Variants in SCHIP1 observed in about 807,000 individuals in gnomAD.
SCHIP1 encodes schwannomin-interacting protein 1.
In SCHIP1, 8 loss-of-function variants were observed where a neutral mutation model predicts 29.7. The ratio of observed to expected loss-of-function variants is 0.27; its 90% CI spans 0.16 to 0.49. The LOEUF (loss-of-function observed/expected upper bound fraction) is 0.49. SCHIP1 is among the 20% of genes least tolerant of loss of function. The pLI is 0.99. For synonymous variants in SCHIP1, 76 were observed against 94.9 expected (o/e 0.80, Z 1.16); for missense variants, 193 against 294.6 (o/e 0.66, Z 2.52).
chr3:159,315,901 A>G, the SCHIP1 span, among the ~76,000 whole-genome samples: 1 of 147,936 alleles, frequency 6.8e-6, no homozygotes, highest in Non-Finnish European at 1.5e-5. Flanking sequence ...AAGGGTCTTC[A>G]TCAAGTCACT....
chr3:159,332,808 A>T, the SCHIP1 span, among the ~76,000 whole-genome samples: 8 of 152,222 alleles, frequency 5.3e-5, no homozygotes, highest in African/African-American at 1.9e-4. Context: ...TATAAGCAGT[A>T]AATTTTCACA....
At chr3:159,289,228 T>G in the SCHIP1 span, among the ~76,000 whole-genome samples, 1 of 152,198 alleles carries the variant, frequency 6.6e-6, no homozygotes, top group Admixed American at 6.5e-5. Context: ...AGTGTGAACT[T>G]ATTAAAACTT....
the SCHIP1 span, among the ~76,000 whole-genome samples, chr3:159,506,069 A>G: frequency 2.0e-5 from 3 of 152,336 alleles, no homozygotes; most frequent in African/African-American, 7.2e-5. Flanking sequence ...TGGTTGAACT[A>G]GTGTACAATC....
chr3:159,589,999 T>G, the SCHIP1 span, among the ~76,000 whole-genome samples: 14 of 152,194 alleles, frequency 9.2e-5, no homozygotes. Flanking sequence ...CATAAATAAT[T>G]TTTTAATATA....
At chr3:159,614,325 A>G in the SCHIP1 span, among the ~76,000 whole-genome samples, 1 of 152,178 alleles carries the variant, frequency 6.6e-6, no homozygotes, top group African/African-American at 2.4e-5. Context: ...AAAGGCCATA[A>G]TTTCTTTGGC....
chr3:159,614,496 T>C, the SCHIP1 span, among the ~76,000 whole-genome samples: 1 of 152,224 alleles, frequency 6.6e-6, no homozygotes, highest in Admixed American at 6.5e-5. Flanking sequence ...CACAGCTGCC[T>C]TATCTCTTTA....
chr3:159,652,447 AG>A, the SCHIP1 span, among the ~76,000 whole-genome samples: 1 of 152,194 alleles, frequency 6.6e-6, no homozygotes, highest in African/African-American at 2.4e-5. Flanking sequence ...CTAAGCCAAT[AG>A]GGGACCCAGA....
chr3:159,380,804 G>A, the SCHIP1 span, among the ~76,000 whole-genome samples: 1 of 152,112 alleles, frequency 6.6e-6, no homozygotes, highest in Non-Finnish European at 1.5e-5. Context: ...AATTAGCACA[G>A]CTAAGATTCA....
the SCHIP1 span, among the ~76,000 whole-genome samples, chr3:159,491,750 G>A: frequency 1.6e-4 from 25 of 152,358 alleles, no homozygotes; most frequent in African/African-American, 6.0e-4. Context: ...TTTGAAGAGA[G>A]TAGTGGTTCT....
At chr3:159,319,812 G>T in the SCHIP1 span, among the ~76,000 whole-genome samples, 4 of 152,048 alleles carry the variant, frequency 2.6e-5, no homozygotes, top group Non-Finnish European at 2.9e-5. Flanking sequence ...TATAATCATG[G>T]TTTACTCCTC....
chr3:159,315,307 T>C, the SCHIP1 span, among the ~76,000 whole-genome samples: 1 of 150,386 alleles, frequency 6.6e-6, no homozygotes, highest in Admixed American at 6.6e-5. Flanking sequence ...CACGCCATTC[T>C]CCTGCCTCAG....
the SCHIP1 span, among the ~76,000 whole-genome samples, chr3:159,488,534 G>A: frequency 1.3e-5 from 2 of 152,098 alleles, no homozygotes; most frequent in East Asian, 3.9e-4. Context: ...ATGGGACATG[G>A]GGACAGAGGG....
the SCHIP1 span, among the ~76,000 whole-genome samples, chr3:159,316,695 T>C: frequency 6.6e-6 from 1 of 152,114 alleles, no homozygotes. Context: ...ACAACCAGCC[T>C]TCGTACAACT....
chr3:159,407,213 A>G, the SCHIP1 span, among the ~76,000 whole-genome samples: 1 of 152,218 alleles, frequency 6.6e-6, no homozygotes, highest in African/African-American at 2.4e-5. Context: ...ATGTCAGTGG[A>G]AACCAAAAAC....
chr3:159,391,340 A>T, the SCHIP1 span, among the ~76,000 whole-genome samples: 1 of 152,190 alleles, frequency 6.6e-6, no homozygotes, highest in African/African-American at 2.4e-5. Context: ...CTTTTCTTGT[A>T]TTGCAGGGAC....
At chr3:159,277,351 A>G in the SCHIP1 span, among the ~76,000 whole-genome samples, 1 of 152,230 alleles carries the variant, frequency 6.6e-6, no homozygotes, top group Non-Finnish European at 1.5e-5. Flanking sequence ...ATAAAGCTTC[A>G]GTGCCTTAGT....
the SCHIP1 span, among the ~76,000 whole-genome samples, chr3:159,732,832 A>C: frequency 6.6e-6 from 1 of 152,252 alleles, no homozygotes; most frequent in East Asian, 1.9e-4. Context: ...AAGGCTTTCC[A>C]GGAGCTGGAG....
At chr3:159,646,663 A>G in the SCHIP1 span, among the ~76,000 whole-genome samples, 2 of 152,102 alleles carry the variant, frequency 1.3e-5, no homozygotes, top group Non-Finnish European at 2.9e-5. Flanking sequence ...CCTGAATACA[A>G]GGGAGCTGGT....
At chr3:159,840,040 A>G (rs1744074348) in exon 1 of SCHIP1, 1 of 1,472,586 alleles carries the variant, frequency 6.8e-7, no homozygotes, top group East Asian at 2.5e-5. Flanking sequence ...CAGGTTGATC[A>G]GCGAAACAGC....
Sources: allele counts gnomAD v4.1 joint callset (sites outside exome capture counted in the v4.1 genomes callset), GRCh38; gene constraint gnomAD v4.1.1; transcripts MANE v1.5; gene names NCBI Gene and HGNC (gene_info 2026-07-23, HGNC 2026-07-21).